Variants in P2RX1 observed in about 807,000 individuals in gnomAD.
The protein encoded by P2RX1 is purinergic receptor P2X 1.
P2RX1 carries 42 observed loss-of-function variants against 50.3 expected under a neutral mutation model. The ratio of observed to expected loss-of-function variants is 0.83; its 90% confidence interval spans 0.65 to 1.08. The LOEUF (loss-of-function observed/expected upper bound fraction) is 1.08. P2RX1 is among the 50% of genes least tolerant of loss of function. P2RX1 has a pLI of 0.00. For missense variants in P2RX1, 449 were observed against 529.0 expected (o/e 0.85, Z 1.48); for synonymous variants, 199 against 202.6 (o/e 0.98, Z 0.15).
chr17:3,901,887 A>T (rs1361094063), intron 7 of P2RX1, among the ~76,000 whole-genome samples: 2 of 151,396 alleles, frequency 1.3e-5, no homozygotes, highest in African/African-American at 2.4e-5. Context: ...GGGCGACCCC[A>T]CGAGACTGGC....
At chr17:3,908,240 A>G (rs1192992613) in intron 1 of P2RX1, among the ~76,000 whole-genome samples, 2 of 152,142 alleles carry the variant, frequency 1.3e-5, no homozygotes, top group Admixed American at 6.5e-5. Flanking sequence ...CAGATCTGGC[A>G]TTCATGACCT....
chr17:3,901,136 C>T (rs1375791619), intron 7 of P2RX1, among the ~76,000 whole-genome samples: 2 of 152,010 alleles, frequency 1.3e-5, no homozygotes, highest in South Asian at 2.1e-4. Flanking sequence ...GGCACGATCT[C>T]GGCTCACTGC....
rs143551531 is a variant in P2RX1, at chr17:3,903,011, G to A, written c.747+191C>T. 2.0e-5 allele frequency among the ~76,000 whole-genome samples: 3 copies of A among 151,176 alleles called. No individual in the cohort carries two copies. The highest frequency in any genetic ancestry group is 7.3e-5 in the African/African-American group (3 of 40,948). On this transcript the variant is annotated intron_variant, in intron 7 of 11. Transcript: ENST00000225538. This position sits in a 1 kb window ranked among gnomAD's most constrained non-coding sequence, Gnocchi z 4.6. ...TCCGTTCATTCTGGGCACCTCCTTC[G>A]TGCCAGTTCCATGCCAGGACCTGCT...
In P2RX1 at chr17:3,901,771, C is replaced by T. The variant is rs141252054; in HGVS notation, c.747+1431G>A. Among the ~76,000 whole-genome samples, 46 of 152,114 alleles carry T rather than the reference C, an allele frequency of 3.0e-4. No homozygotes were observed. In the East Asian group the frequency reaches 8.9e-3, roughly 29 times the overall value. On this transcript the variant is annotated intron_variant, in intron 7 of 11. Coordinates refer to ENST00000225538, the MANE Select transcript of P2RX1 (RefSeq NM_002558.4). ...TACAGGCTTCCCACGCGCCAGGCAG[C>T]GAGGCACGCCAGGCACACGGCGTCA...
At position 3,896,846 on chromosome 17, in the gene P2RX1, GGTGTAGATGT is replaced by G. The variant is rs1386000831; in HGVS notation, c.*958_*967del. 1 of 152,416 alleles carries G rather than the reference GGTGTAGATGT, an allele frequency of 6.6e-6. No homozygotes were observed. Among genetic ancestry groups the G allele is most frequent in the Non-Finnish European group, 1.5e-5 (1 of 68,174 alleles). The allele number at this position is 152,416 out of a possible 1,614,324, so 9.4% of individuals were successfully genotyped here. A position where few individuals can be genotyped will look rare whatever the true frequency, so the allele number is the denominator to read the frequency against. ...CACGGACCATGTGTGTGTGCTTGGG[GGTGTAGATGT>G]GTGTAGATGGTTGTGTTTGCAGGGC... On this transcript the variant is annotated 3_prime_UTR_variant, in exon 12 of 12. Transcript: ENST00000225538.
At chr17:3,910,407 C>T (rs900845335) in intron 1 of P2RX1, among the ~76,000 whole-genome samples, 6 of 152,218 alleles carry the variant, frequency 3.9e-5, no homozygotes, top group African/African-American at 1.2e-4. Flanking sequence ...CTGTCCTCAC[C>T]CTATCACCCA....
chr17:3,901,289 G>T (rs2005831), intron 7 of P2RX1, among the ~76,000 whole-genome samples: 4 of 152,018 alleles, frequency 2.6e-5, no homozygotes, highest in Admixed American at 1.3e-4. Context: ...GGATGGTCTC[G>T]ATCTCCTGAC....
chr17:3,914,118 C>T lies in P2RX1; in HGVS notation c.137+1971G>A, dbSNP rs1257711123. Among the ~76,000 whole-genome samples, 2 of 152,166 alleles carry T rather than the reference C, an allele frequency of 1.3e-5. No individual in the cohort carries two copies. Among genetic ancestry groups the T allele is most frequent in the African/African-American group, 2.4e-5 (1 of 41,430 alleles). ...GATGACGGACTCTGCCTTCCTTCCACCCTCTGCTGTGTGACGTGGGCAGGC... is the reference window on the plus strand; with the variant it reads ...GATGACGGACTCTGCCTTCCTTCCATCCTCTGCTGTGTGACGTGGGCAGGC... On this transcript the variant is annotated intron_variant, in intron 1 of 11. Coordinates refer to ENST00000225538, the MANE Select transcript of P2RX1 (RefSeq NM_002558.4). This position sits in a 1 kb window ranked among gnomAD's most constrained non-coding sequence, Gnocchi z 4.1.
rs1341171489 is a variant in P2RX1 at position 3,912,707 on chromosome 17, C to CCTCCCT, written c.137+3376_137+3381dup. On this transcript the variant is annotated intron_variant, in intron 1 of 11. Coordinates refer to ENST00000225538, the MANE Select transcript of P2RX1 (RefSeq NM_002558.4). ...GAGTCTGGCTAATTCACCCTCAGTT[C>CCTCCCT]CTCCCTCTCCCTCTCTCCATTCCAT... Among the ~76,000 whole-genome samples, 4 of 152,198 alleles carry CCTCCCT rather than the reference C, an allele frequency of 2.6e-5. No homozygotes were observed. In the East Asian group the frequency reaches 7.7e-4, roughly 29 times the overall value.
Position 3,903,085 on chromosome 17 carries a change from C to A in P2RX1, c.747+117G>T. 1 of 1,404,842 alleles carries A rather than the reference C, an allele frequency of 7.1e-7. No individual in the cohort carries two copies. Among genetic ancestry groups the A allele is most frequent in the Non-Finnish European group, 9.8e-7 (1 of 1,017,014 alleles). 87.0% of individuals were successfully genotyped at this position (1,404,842 alleles called of 1,614,324 possible). Reference sequence around the variant, plus strand: ...GGGGCCCCAGTATCAGGGGACAGACCCATACATATACTCAGCCCTCACCGA... The same window carrying A: ...GGGGCCCCAGTATCAGGGGACAGACACATACATATACTCAGCCCTCACCGA... On this transcript the variant is annotated intron_variant, in intron 7 of 11. Transcript: ENST00000225538. The surrounding 1 kb of genome is among the most constrained non-coding windows in gnomAD (Gnocchi z 4.6).
At chr17:3,907,610 C>G (rs989234838) in intron 1 of P2RX1, among the ~76,000 whole-genome samples, 1 of 152,192 alleles carries the variant, frequency 6.6e-6, no homozygotes, top group Non-Finnish European at 1.5e-5. Context: ...CACCTCTTCT[C>G]TAAGCCCCCT....
At chr17:3,902,028 G>A (rs2056158018) in intron 7 of P2RX1, among the ~76,000 whole-genome samples, 2 of 152,212 alleles carry the variant, frequency 1.3e-5, no homozygotes, top group South Asian at 4.1e-4. Context: ...TGCGCTCATA[G>A]GGACTGCTTC....
In P2RX1 at chr17:3,902,925, G is replaced by GTTTTTTTTTT. The variant is rs555049705; in HGVS notation, c.747+267_747+276dup. ...CACCTGACCAAGCTGCTTTTATCTA[G>GTTTTTTTTTT]TTTTTTTTTTTTTTTAAAGCAGGGC... On this transcript the variant is annotated intron_variant, in intron 7 of 11. Transcript: ENST00000225538. Among the ~76,000 whole-genome samples, 325 of 143,174 alleles carry GTTTTTTTTTT rather than the reference G, an allele frequency of 2.3e-3. 4 individuals are homozygous for GTTTTTTTTTT. The highest frequency in any genetic ancestry group is 8.2e-3 in the African/African-American group (316 of 38,358). The allele number at this position is 143,174 out of a possible 152,430, so 93.9% of individuals were successfully genotyped here.
rs1567652120 is a variant in P2RX1, at chr17:3,903,612, C to CCT, written c.542_543dup (p.Ala182ArgfsTer29). The CCT allele has an allele frequency of 6.2e-7, 1 of 1,613,956 alleles. No homozygotes were observed. Among genetic ancestry groups the CCT allele is most frequent in the East Asian group, 2.2e-5 (1 of 44,856 alleles). ...TTGATGAAAAGAGTGAAGTTCTCGG[C>CCT]CTCTCGGAGAAGGGCAGGGCTGGAG... is the stretch of plus-strand genomic sequence containing the variant. On this transcript the variant is annotated frameshift_variant, in exon 6 of 12. Coordinates refer to ENST00000225538, the MANE Select transcript of P2RX1 (RefSeq NM_002558.4). LOFTEE classifies it high-confidence loss of function. This position sits in a 1 kb window ranked among gnomAD's most constrained non-coding sequence, Gnocchi z 4.6.
intron 1 of P2RX1, among the ~76,000 whole-genome samples, chr17:3,907,290 C>CGTGT (rs147411964): frequency 0.2 from 27,217 of 134,206 alleles, 2,892 homozygotes; most frequent in East Asian, 0.35. Flanking sequence ...TTCAGGGTAA[C>CGTGT]GTGTGTGTGT....
At chr17:3,901,821 C>T (rs779318103) in intron 7 of P2RX1, among the ~76,000 whole-genome samples, 3 of 152,094 alleles carry the variant, frequency 2.0e-5, no homozygotes, top group Non-Finnish European at 4.4e-5. Flanking sequence ...ATAGGCTTCC[C>T]ACGTGCCAGG....
rs902426726 is a variant in P2RX1, at chr17:3,897,526, G to A, written c.*288C>T. 24 of 545,484 alleles carry A rather than the reference G, an allele frequency of 4.4e-5. No homozygotes were observed. In the East Asian group the frequency reaches 6.9e-4, roughly 16 times the overall value. 33.8% of individuals were successfully genotyped at this position (545,484 alleles called of 1,614,324 possible). A position where few individuals can be genotyped will look rare whatever the true frequency, so the allele number is the denominator to read the frequency against. ...AATGAGAGTCCGGAGAGAGAAGCAC[G>A]AAGCTAGGGTGCAGGTGTGTGGGAG... On this transcript the variant is annotated 3_prime_UTR_variant, in exon 12 of 12. Coordinates refer to ENST00000225538, the MANE Select transcript of P2RX1 (RefSeq NM_002558.4).
At chr17:3,899,973 C>T (rs527322968) in intron 7 of P2RX1, among the ~76,000 whole-genome samples, 22 of 152,182 alleles carry the variant, frequency 1.4e-4, no homozygotes, top group Non-Finnish European at 3.1e-4. Context: ...TGGTGGCGCA[C>T]GCCTGTAATA....
At chr17:3,907,713 G>A (rs868683793) in intron 1 of P2RX1, among the ~76,000 whole-genome samples, 1 of 152,292 alleles carries the variant, frequency 6.6e-6, no homozygotes, top group Middle Eastern at 3.4e-3. Context: ...ACAGGTGGAG[G>A]CATGACAAAG....
Sources: gnomAD v4.1 joint callset for allele counts (sites outside exome capture counted in the v4.1 genomes callset) on GRCh38, gnomAD v4.1.1 for gene constraint, Gnocchi (gnomAD v3.1) non-coding constraint, MANE v1.5 for transcripts, NCBI Gene and HGNC (gene_info 2026-07-23, HGNC 2026-07-21) for gene names.